The following SHFL variants were observed in gnomAD, a reference collection of about 807,000 sequenced individuals.
SHFL encodes the protein shiftless antiviral inhibitor of ribosomal frameshifting.
SHFL carries 12 observed loss-of-function variants against 34.7 expected under a neutral mutation model. The observed-to-expected ratio is 0.35, with a 90% confidence interval of 0.22 to 0.56. SHFL has a LOEUF of 0.56. SHFL is among the 20% of genes least tolerant of loss of function. The pLI is 0.88. For missense variants in SHFL, 278 were observed against 411.1 expected (o/e 0.68, Z 2.80); for synonymous variants, 148 against 156.0 (o/e 0.95, Z 0.38).
At chr19:10,087,859 A>C in intron 3 of SHFL, 1 of 161,110 alleles carries the variant, frequency 6.2e-6, no homozygotes, top group Non-Finnish European at 1.3e-5. Context: ...GAATGAATGA[A>C]TGGCTTTGAA....
chr19:10,090,001 C>G lies in SHFL; in HGVS notation c.338C>G (p.Ser113Cys), dbSNP rs369043885. Residue 113 changes from serine to cysteine, a missense_variant, in exon 5 of 8, where the codon TCC becomes TGC. Coordinates refer to ENST00000253110, the MANE Select transcript of SHFL (RefSeq NM_018381.4). ...GCTGTGGACCGGCAGTTTGCCTGCT[C>G]CTCCTGCGACCACGTCTGGTGGCGC... ...IPAVDRQFAC[S>C]SCDHVWWRRV... 3.7e-6 allele frequency: 6 copies of G among 1,607,892 alleles called. No homozygotes were observed. In the African/African-American group the frequency reaches 8.0e-5, roughly 21 times the overall value.
Position 10,089,961 on chromosome 19 carries a change from G to A in SHFL, c.298G>A (p.Asp100Asn), listed in dbSNP as rs1263106876. ...CCTACGCATGTTTCAACGTGCCCAG[G>A]ACGACCTTATCCCTGCTGTGGACCG... ...ANLRMFQRAQ[D>N]DLIPAVDRQF... Residue 100 changes from aspartate to asparagine, a missense_variant, in exon 5 of 8, where the codon GAC becomes AAC. This residue lies in a region of SHFL where 243 missense variants were observed against 386.2 expected (regional missense o/e 0.63). Transcript: ENST00000253110. The A allele has an allele frequency of 6.2e-7, 1 of 1,611,618 alleles. No individual in the cohort carries two copies.
At position 10,091,759 on chromosome 19, in the gene SHFL, C is replaced by G; in HGVS notation, c.643+129C>G. The G allele has an allele frequency of 7.9e-7, 1 of 1,271,480 alleles. No individual in the cohort carries two copies. 78.8% of individuals were successfully genotyped at this position (1,271,480 alleles called of 1,614,324 possible). Reference sequence around the variant, plus strand: ...CACTGCTTCCACATGGCCTCCATGACCCCCCAGTCTCCGTGGTCTTGCCCA... The same window carrying G: ...CACTGCTTCCACATGGCCTCCATGAGCCCCCAGTCTCCGTGGTCTTGCCCA... On this transcript the variant is annotated intron_variant, in intron 7 of 7. Transcript: ENST00000253110. The surrounding 1 kb of genome is among the most constrained non-coding windows in gnomAD (Gnocchi z 8.2).
At chr19:10,090,945 G>T (rs2088373796) in intron 5 of SHFL, among the ~76,000 whole-genome samples, 1 of 151,866 alleles carries the variant, frequency 6.6e-6, no homozygotes, top group South Asian at 2.1e-4. Flanking sequence ...AACCAAATCT[G>T]ACCTCAAAAA....
At chr19:10,090,117 C>T in intron 5 of SHFL, 70 bp downstream of exon 5, 1 of 1,490,546 alleles carries the variant, frequency 6.7e-7, no homozygotes, top group Non-Finnish European at 9.1e-7. Flanking sequence ...TCCTCAGTGA[C>T]TGTACCTCTG....
In SHFL at chr19:10,087,285, CGAT is replaced by C. The variant is rs779955311; in HGVS notation, c.181_183del (p.Asp61del). The C allele has an allele frequency of 1.2e-6, 2 of 1,614,048 alleles. No individual in the cohort carries two copies. The highest frequency in any genetic ancestry group is 1.7e-6 in the Non-Finnish European group (2 of 1,179,894). On this transcript the variant is annotated inframe_deletion, in exon 3 of 8. Transcript: ENST00000253110. ...AAAAAGATGGCCAAGAACTAAGTAA[CGAT>C]CTGGATGCCCAGGTAACCTATCCCC...
Position 10,092,366 on chromosome 19 carries a change from T to C in SHFL, c.*64T>C, listed in dbSNP as rs1362314091. 5.8e-6 allele frequency: 9 copies of C among 1,539,352 alleles called. No homozygotes were observed. The highest frequency in any genetic ancestry group is 1.2e-5 in the South Asian group (1 of 82,794). On this transcript the variant is annotated 3_prime_UTR_variant, in exon 8 of 8. Coordinates refer to ENST00000253110, the MANE Select transcript of SHFL (RefSeq NM_018381.4). ...GGCTACTTTGTGTTATTATAAGATA[T>C]GAGCTCAAACCGAGATATGAATGAC...
intron 3 of SHFL, 156 bp from the exon 4 acceptor site, chr19:10,089,501 G>C: frequency 1.5e-6 from 2 of 1,352,664 alleles, no homozygotes; most frequent in South Asian, 2.5e-5. Flanking sequence ...GACAACTGAG[G>C]CCACACACCT....
Position 10,090,060 on chromosome 19 carries a change from A to G in SHFL, c.384+13A>G, listed in dbSNP as rs2088355186. On this transcript the variant is annotated intron_variant, in intron 5 of 7. Transcript: ENST00000253110. ...CCAGCGGAAGGAGGTGATGACCTAA[A>G]ACTTAACCTCGACTTTGACTGTCCC... The G allele has an allele frequency of 6.3e-7, 1 of 1,595,064 alleles. No homozygotes were observed. Among genetic ancestry groups the G allele is most frequent in the Admixed American group, 1.7e-5 (1 of 57,274 alleles).
In SHFL at chr19:10,089,552, A is replaced by G. The variant is rs996130080; in HGVS notation, c.196-105A>G. On this transcript the variant is annotated intron_variant, in intron 3 of 7. Transcript: ENST00000253110. ...AGTGGTGCTCTGTGAGCTTCTGGCG[A>G]GTTAGGGGCACCCTACTCATTGCGG... 5.5e-6 allele frequency: 8 copies of G among 1,459,610 alleles called. No individual in the cohort carries two copies. The African/African-American group carries it at 1.1e-4, about 21-fold the overall frequency. 90.4% of individuals were successfully genotyped at this position (1,459,610 alleles called of 1,614,324 possible). A position where few individuals can be genotyped will look rare whatever the true frequency, so the allele number is the denominator to read the frequency against.
chr19:10,092,761 T>C lies in SHFL; in HGVS notation c.*459T>C. Reference sequence around the variant, plus strand: ...GGCATGGTACCACCAGCCTCCCCGCTGGTACAGGGCACAGTTACCTGAGGG... The same window carrying C: ...GGCATGGTACCACCAGCCTCCCCGCCGGTACAGGGCACAGTTACCTGAGGG... On this transcript the variant is annotated 3_prime_UTR_variant, in exon 8 of 8. Transcript: ENST00000253110. 1 of 1,607,458 alleles carries C rather than the reference T, an allele frequency of 6.2e-7. No individual in the cohort carries two copies. Among genetic ancestry groups the C allele is most frequent in the Non-Finnish European group, 8.5e-7 (1 of 1,174,802 alleles).
At chr19:10,089,750 G>A in intron 4 of SHFL, 55 bp downstream of exon 4, 1 of 1,569,722 alleles carries the variant, frequency 6.4e-7, no homozygotes, top group Non-Finnish European at 8.7e-7. Flanking sequence ...ACATCTGCAG[G>A]CACAGAAGGA....
Position 10,091,977 on chromosome 19 carries a change from T to TC in SHFL, c.644-91dup. 1 of 1,495,658 alleles carries TC rather than the reference T, an allele frequency of 6.7e-7. No homozygotes were observed. Among genetic ancestry groups the TC allele is most frequent in the Non-Finnish European group, 9.1e-7 (1 of 1,103,184 alleles). 92.6% of individuals were successfully genotyped at this position (1,495,658 alleles called of 1,614,324 possible). A position where few individuals can be genotyped will look rare whatever the true frequency, so the allele number is the denominator to read the frequency against. Reference sequence around the variant, plus strand: ...GGTCCCCGTATCTGGTGGTCTCAGCTCCTCCCTAGAGCCCCGCGTGGCCTA... The same window carrying TC: ...GGTCCCCGTATCTGGTGGTCTCAGCTCCCTCCCTAGAGCCCCGCGTGGCCTA... On this transcript the variant is annotated intron_variant, in intron 7 of 7. Transcript: ENST00000253110. The surrounding 1 kb of genome is among the most constrained non-coding windows in gnomAD (Gnocchi z 8.2).
In SHFL at chr19:10,092,308, GC is replaced by G; in HGVS notation, c.*8del. ...AGGGCGGGCCCAGGGAGTGACCCCT[GC>G]CAGGTGCAGATACAAACCAGACACG... On this transcript the variant is annotated 3_prime_UTR_variant, in exon 8 of 8. Transcript: ENST00000253110. 1.3e-6 allele frequency: 2 copies of G among 1,565,686 alleles called. No homozygotes were observed. The highest frequency in any genetic ancestry group is 1.7e-6 in the Non-Finnish European group (2 of 1,155,650).
intron 3 of SHFL, 127 bp downstream of exon 3, chr19:10,087,427 C>A (rs902982054): frequency 1.1e-5 from 11 of 963,834 alleles, no homozygotes; most frequent in Non-Finnish European, 3.2e-6. Flanking sequence ...CGGTCCATAA[C>A]TCATCACCCA....
rs570203521 is a variant in SHFL, at chr19:10,091,878, C to T, written c.644-192C>T. The T allele has an allele frequency of 1.2e-6, 1 of 861,444 alleles. No homozygotes were observed. The highest frequency in any genetic ancestry group is 1.7e-6 in the Non-Finnish European group (1 of 575,042). The allele number at this position is 861,444 out of a possible 1,614,324, so 53.4% of individuals were successfully genotyped here. On this transcript the variant is annotated intron_variant, in intron 7 of 7. Coordinates refer to ENST00000253110, the MANE Select transcript of SHFL (RefSeq NM_018381.4). The surrounding 1 kb of genome is among the most constrained non-coding windows in gnomAD (Gnocchi z 8.2). ...CTGGGTTTGGGGCCCCTGTTTTGTCCCCTGTAATCTCAGGTGACCCCCATG... is the reference window on the plus strand; with the variant it reads ...CTGGGTTTGGGGCCCCTGTTTTGTCTCCTGTAATCTCAGGTGACCCCCATG...
chr19:10,087,619 G>C (rs570062642), intron 3 of SHFL: 115 of 389,142 alleles, frequency 3.0e-4, no homozygotes, highest in African/African-American at 2.4e-3. Context: ...TGGAGGAGGA[G>C]GTACCAAGTC....
chr19:10,092,693 G>A lies in SHFL; in HGVS notation c.*391G>A. 1.9e-6 allele frequency: 3 copies of A among 1,614,042 alleles called. No homozygotes were observed. The highest frequency in any genetic ancestry group is 2.2e-5 in the East Asian group (1 of 44,874). ...CCATCCTGGTAGCGGCTTCGGTAGT[G>A]GCCGCCGTGGTGCCACACACCGTTG... On this transcript the variant is annotated 3_prime_UTR_variant, in exon 8 of 8. Coordinates refer to ENST00000253110, the MANE Select transcript of SHFL (RefSeq NM_018381.4).
chr19:10,091,422 C>T lies in SHFL; in HGVS notation c.489-54C>T, dbSNP rs1455896286. ...CCAGCCCTGCCCCTCCCTGCCCTGG[C>T]CCCACCCTGGCCCAGCCTCGCCCTC... On this transcript the variant is annotated intron_variant, in intron 6 of 7. Coordinates refer to ENST00000253110, the MANE Select transcript of SHFL (RefSeq NM_018381.4). This position sits in a 1 kb window ranked among gnomAD's most constrained non-coding sequence, Gnocchi z 8.2. 190 of 1,350,812 alleles carry T rather than the reference C, an allele frequency of 1.4e-4. 1 individual carries two copies. The highest frequency in any genetic ancestry group is 7.2e-5 in the Non-Finnish European group (72 of 1,002,226). The allele number at this position is 1,350,812 out of a possible 1,614,324, so 83.7% of individuals were successfully genotyped here.
Sources: gnomAD v4.1 joint callset for allele counts (sites outside exome capture counted in the v4.1 genomes callset) on GRCh38, gnomAD v4.1.1 for gene constraint, gnomAD v4.1.1 regional missense constraint, Gnocchi (gnomAD v3.1) non-coding constraint, MANE v1.5 for transcripts, NCBI Gene and HGNC (gene_info 2026-07-23, HGNC 2026-07-21) for gene names.